The following PDE4DIP variants were observed in gnomAD, a reference collection of about 807,000 sequenced individuals.
The protein encoded by PDE4DIP is myomegalin.
Under a neutral mutation model 221.4 loss-of-function variants are expected in PDE4DIP, and 59 were observed. The ratio of observed to expected loss-of-function variants is 0.27; its 90% CI spans 0.22 to 0.33. The LOEUF (loss-of-function observed/expected upper bound fraction) is 0.33, where lower values mean the gene tolerates loss of function less well. PDE4DIP is among the 10% of genes least tolerant of loss of function. PDE4DIP has a pLI of 1.00. For missense variants in PDE4DIP, 1,036 were observed against 2,154.2 expected, an observed-to-expected ratio of 0.48 and a Z score of 10.28; for synonymous variants, 404 against 815.9, an observed-to-expected ratio of 0.50 and a Z score of 8.60.
At chr1:148,938,596 T>C (rs1266487834) in intron 5 of PDE4DIP, among the ~76,000 whole-genome samples, 2 of 152,258 alleles carry the variant, frequency 1.3e-5, no homozygotes, top group East Asian at 3.8e-4. Context: ...AGTTGTAAAA[T>C]ACTGTGCCGA....
chr1:148,980,059 A>C (rs1404770699), intron 20 of PDE4DIP, among the ~76,000 whole-genome samples: 1 of 152,270 alleles, frequency 6.6e-6, no homozygotes, highest in Non-Finnish European at 1.5e-5. Context: ...AGTTGGGATT[A>C]GTGCCTGTTT....
intron 23 of PDE4DIP, 81 bp downstream of exon 26, chr1:148,998,456 C>T: frequency 1.6e-6 from 1 of 626,442 alleles, no homozygotes; most frequent in South Asian, 2.1e-5. Flanking sequence ...AGGCTCCATG[C>T]ATTAATATTT....
At chr1:148,824,316 G>A (rs1337168387) in intron 1 of PDE4DIP, among the ~76,000 whole-genome samples, 7 of 150,426 alleles carry the variant, frequency 4.7e-5, no homozygotes, top group South Asian at 4.2e-4. Flanking sequence ...CACACAATAG[G>A]TCTGCTTATA....
chr1:148,978,280 C>A (rs1197396170), exon 19 of PDE4DIP: 8 of 1,598,998 alleles, frequency 5.0e-6, no homozygotes, highest in Non-Finnish European at 6.8e-6. Flanking sequence ...ACTTCTAGGA[C>A]CTGCAAATGC....
In PDE4DIP at chr1:148,861,413, C is replaced by T. The variant is rs1365808768; in HGVS notation, c.234-1837C>T. Among the ~76,000 whole-genome samples the T allele has an allele frequency of 1.8e-3, 42 of 23,536 alleles. No individual in the cohort carries two copies. In the South Asian group the frequency reaches 0.055, roughly 31 times the overall value. 15.4% of individuals were successfully genotyped at this position (23,536 alleles called of 152,430 possible). A position where few individuals can be genotyped will look rare whatever the true frequency, so the allele number is the denominator to read the frequency against. ...CTGCACTTTGGGAGGCCGAGGCGGG[C>T]GGATCACCTGAGGTCAGGAGTTCGA... is the stretch of plus-strand genomic sequence containing the variant. On this transcript the variant is annotated intron_variant, in intron 1 of 45. Coordinates refer to the PDE4DIP transcript ENST00000524974.
At chr1:148,938,909 C>T (rs2049903737) in intron 5 of PDE4DIP, among the ~76,000 whole-genome samples, 3 of 142,480 alleles carry the variant, frequency 2.1e-5, no homozygotes, top group Non-Finnish European at 4.6e-5. Context: ...ATTACAGGTG[C>T]ATGCCACCAC....
intron 2 of PDE4DIP, chr1:148,930,601 T>G (rs1553469170): frequency 6.8e-6 from 1 of 146,022 alleles, no homozygotes; most frequent in South Asian, 2.2e-4. Context: ...ATTTACAATA[T>G]CTGCTAAAAA....
rs1264602693 is a variant in PDE4DIP at position 148,899,176 on chromosome 1, G to A, written c.141+9282G>A. ...GAAGAAACAATATACAAAAGCAGAG[G>A]TGTACAAAAGCAATGTGCACTTGGC... On this transcript the variant is annotated intron_variant, in intron 1 of 43. Transcript: ENST00000369354. Among the ~76,000 whole-genome samples the A allele has an allele frequency of 1.7e-5, 2 of 119,662 alleles. 1 individual carries two copies. The highest frequency in any genetic ancestry group is 1.7e-4 in the Admixed American group (2 of 11,542). 78.5% of individuals were successfully genotyped at this position (119,662 alleles called of 152,430 possible).
chr1:148,976,014 T>C (rs1298902462), intron 17 of PDE4DIP, among the ~76,000 whole-genome samples: 1 of 151,492 alleles, frequency 6.6e-6, no homozygotes, highest in East Asian at 2.0e-4. Context: ...ATTTAAGAAA[T>C]ACCAGTTTTA....
intron 2 of PDE4DIP, among the ~76,000 whole-genome samples, chr1:148,865,476 T>C (rs587661693): frequency 2.6e-5 from 3 of 116,600 alleles, no homozygotes; most frequent in South Asian, 2.7e-4. Context: ...ATAATTATTT[T>C]ATTATTATTA....
intron 21 of PDE4DIP, chr1:148,986,250 T>A (rs1215295094): frequency 6.6e-6 from 1 of 151,968 alleles, no homozygotes; most frequent in Non-Finnish European, 1.5e-5. Context: ...AGGAGGTGAG[T>A]GATATGTTAA....
At chr1:149,017,678 C>G (rs879976664) in intron 33 of PDE4DIP, 70 bp from the exon 37 acceptor site, 1 of 915,096 alleles carries the variant, frequency 1.1e-6, no homozygotes, top group Non-Finnish European at 1.7e-6. Flanking sequence ...CCTAGCCGAG[C>G]CCCACCCCCA....
chr1:149,005,198 G>A, exon 27 of PDE4DIP: 1 of 1,609,982 alleles, frequency 6.2e-7, no homozygotes. Flanking sequence ...CGTCTAGTCT[G>A]GAAAGACCCC....
intron 9 of PDE4DIP, among the ~76,000 whole-genome samples, chr1:148,963,391 G>A (rs1325861893): frequency 6.6e-6 from 1 of 152,188 alleles, no homozygotes; most frequent in Non-Finnish European, 1.5e-5. Flanking sequence ...ATACAAGGAT[G>A]AATAGCACAG....
intron 5 of PDE4DIP, chr1:148,953,070 A>G (rs587632003): frequency 2.5e-6 from 4 of 1,614,106 alleles, no homozygotes; most frequent in Admixed American, 1.7e-5. Flanking sequence ...GCCAGTATGT[A>G]TCGGAAGAAT....
At chr1:149,019,949 A>T (rs2072123989) in intron 35 of PDE4DIP, among the ~76,000 whole-genome samples, 198 bp from the exon 39 acceptor site, 2 of 152,142 alleles carry the variant, frequency 1.3e-5, no homozygotes, top group Admixed American at 1.3e-4. Context: ...AATAAGTGGC[A>T]TGAAGGGTTT....
chr1:148,983,518 G>A (rs2061440036), intron 21 of PDE4DIP: 2 of 152,492 alleles, frequency 1.3e-5, no homozygotes, highest in African/African-American at 4.8e-5. Context: ...TGCAAACAGT[G>A]TTATCTGGAG....
At chr1:148,827,510 T>C (rs1294697705) in intron 1 of PDE4DIP, among the ~76,000 whole-genome samples, 94 of 87,470 alleles carry the variant, frequency 1.1e-3, no homozygotes, top group Non-Finnish European at 1.8e-3. Flanking sequence ...CGCCTTGGCC[T>C]CCCAAAGTGC....
At chr1:148,838,710 C>G (rs1371699306) in intron 1 of PDE4DIP, among the ~76,000 whole-genome samples, 1 of 120,362 alleles carries the variant, frequency 8.3e-6, no homozygotes, top group Non-Finnish European at 1.9e-5. Context: ...TAAAAGAAAC[C>G]TCTTTGTAGT....
Sources: allele counts gnomAD v4.1 joint callset (sites outside exome capture counted in the v4.1 genomes callset), GRCh38; gene constraint gnomAD v4.1.1; transcripts MANE v1.5; gene names NCBI Gene and HGNC (gene_info 2026-07-23, HGNC 2026-07-21).